Variants in NOL4 observed in about 807,000 individuals in gnomAD.
The protein encoded by NOL4 is cancer/testis antigen 125.
NOL4 carries 17 observed loss-of-function variants against 75.9 expected under a neutral mutation model. The ratio of observed to expected loss-of-function variants is 0.22; its 90% confidence interval spans 0.15 to 0.34. NOL4 has a LOEUF of 0.34. NOL4 is among the 10% of genes least tolerant of loss of function. The pLI, the probability that NOL4 is intolerant of heterozygous loss-of-function variation, is 1.00. For missense variants in NOL4, 614 were observed against 793.5 expected (o/e 0.77, Z 2.72); for synonymous variants, 292 against 289.9 (o/e 1.01, Z -0.07).
At chr18:34,001,100 C>T (rs910876461) in intron 6 of NOL4, among the ~76,000 whole-genome samples, 2 of 152,100 alleles carry the variant, frequency 1.3e-5, no homozygotes, top group Non-Finnish European at 2.9e-5. Context: ...TCTTAATGTA[C>T]ATCAACAGTC....
chr18:34,219,911 C>T (rs2037180733), intron 1 of NOL4, among the ~76,000 whole-genome samples: 1 of 152,224 alleles, frequency 6.6e-6, no homozygotes, highest in Non-Finnish European at 1.5e-5. Context: ...TCTACTCCAT[C>T]AAAAAGCAGT....
intron 5 of NOL4, among the ~76,000 whole-genome samples, chr18:34,075,837 A>G (rs903052529): frequency 7.9e-4 from 120 of 152,286 alleles, no homozygotes; most frequent in African/African-American, 2.7e-3. Flanking sequence ...ATTTTTGTAT[A>G]TGAGTTGTAT....
chr18:34,089,932 G>GAT (rs1396139198), intron 5 of NOL4, among the ~76,000 whole-genome samples: 1 of 151,494 alleles, frequency 6.6e-6, no homozygotes, highest in African/African-American at 2.4e-5. Context: ...TTCTTACTGT[G>GAT]ATACACACAC....
At chr18:34,023,325 C>A in intron 5 of NOL4, 1 of 419,554 alleles carries the variant, frequency 2.4e-6, no homozygotes, top group Non-Finnish European at 4.9e-6. Context: ...CATTTTTATT[C>A]TCTTTCCCTC....
intron 10 of NOL4, among the ~76,000 whole-genome samples, chr18:33,867,633 A>G (rs913932503): frequency 1.5e-5 from 2 of 136,414 alleles, no homozygotes; most frequent in African/African-American, 2.8e-5. Flanking sequence ...TTAAGACTCT[A>G]ATGTGTGTGT....
intron 2 of NOL4, among the ~76,000 whole-genome samples, chr18:34,116,748 A>T (rs951007434): frequency 5.3e-5 from 8 of 152,206 alleles, no homozygotes; most frequent in Non-Finnish European, 4.4e-5. Flanking sequence ...ACTGTGTATC[A>T]TAAGTATGTA....
chr18:33,957,204 C>T, intron 8 of NOL4, 122 bp downstream of exon 8: 1 of 701,122 alleles, frequency 1.4e-6, no homozygotes, highest in Non-Finnish European at 2.3e-6. Flanking sequence ...AAACAAAACC[C>T]CCTTTGACCT....
intron 5 of NOL4, among the ~76,000 whole-genome samples, chr18:34,052,934 A>G (rs2076684006): frequency 1.3e-5 from 2 of 152,040 alleles, no homozygotes; most frequent in Non-Finnish European, 2.9e-5. Flanking sequence ...AAATATATTT[A>G]AAGGCATCAG....
intron 5 of NOL4, among the ~76,000 whole-genome samples, chr18:34,063,788 G>T (rs969494903): frequency 6.6e-6 from 1 of 151,776 alleles, no homozygotes; most frequent in Non-Finnish European, 1.5e-5. Context: ...TTTGTTATAT[G>T]ATAATAATTA....
intron 9 of NOL4, among the ~76,000 whole-genome samples, chr18:33,932,018 T>C (rs2067724963): frequency 6.6e-6 from 1 of 152,076 alleles, no homozygotes; most frequent in South Asian, 2.1e-4. Flanking sequence ...TCACTGTGAG[T>C]TGTCACAACA....
At chr18:33,869,728 C>T (rs756359201) in intron 10 of NOL4, among the ~76,000 whole-genome samples, 9 of 152,012 alleles carry the variant, frequency 5.9e-5, no homozygotes, top group Non-Finnish European at 1.2e-4. Flanking sequence ...TTCTTTTATA[C>T]TATTAGTCAA....
intron 5 of NOL4, among the ~76,000 whole-genome samples, chr18:34,034,740 A>G (rs565384930): frequency 6.8e-6 from 1 of 146,828 alleles, no homozygotes; most frequent in African/African-American, 2.5e-5. Flanking sequence ...ACCCTGCCCC[A>G]CCCCACCCCC....
chr18:33,965,467 T>C (rs1234238098), intron 6 of NOL4, among the ~76,000 whole-genome samples: 1 of 152,178 alleles, frequency 6.6e-6, no homozygotes, highest in East Asian at 1.9e-4. Context: ...AACTCCAGCC[T>C]GGGCAACAGA....
intron 5 of NOL4, among the ~76,000 whole-genome samples, chr18:34,063,548 A>G (rs2077148626): frequency 6.6e-6 from 1 of 152,102 alleles, no homozygotes; most frequent in Non-Finnish European, 1.5e-5. Flanking sequence ...CAGTATTAAA[A>G]TGAAGTACGT....
At chr18:33,969,754 T>C (rs1248274425) in intron 6 of NOL4, among the ~76,000 whole-genome samples, 1 of 94,576 alleles carries the variant, frequency 1.1e-5, no homozygotes, top group African/African-American at 4.0e-5. Flanking sequence ...TTCCAGTGCT[T>C]GTCCAAAAAA....
At chr18:34,058,542 T>A (rs1024022162) in intron 5 of NOL4, among the ~76,000 whole-genome samples, 1 of 152,286 alleles carries the variant, frequency 6.6e-6, no homozygotes, top group East Asian at 1.9e-4. Context: ...TAAACTTTAC[T>A]GGAAAAACCC....
At chr18:34,003,010 G>T (rs1446907818) in intron 6 of NOL4, among the ~76,000 whole-genome samples, 1 of 152,040 alleles carries the variant, frequency 6.6e-6, no homozygotes, top group Non-Finnish European at 1.5e-5. Flanking sequence ...AAAGAGGAGT[G>T]CCAGGAAAAC....
intron 6 of NOL4, among the ~76,000 whole-genome samples, chr18:34,008,065 A>G (rs938254932): frequency 6.6e-6 from 1 of 152,044 alleles, no homozygotes; most frequent in Non-Finnish European, 1.5e-5. Context: ...GTGAGTGGGC[A>G]TCATCCAATC....
intron 10 of NOL4, among the ~76,000 whole-genome samples, chr18:33,857,322 ACTT>A (rs553686755): frequency 1.2e-3 from 184 of 152,130 alleles, no homozygotes; most frequent in Non-Finnish European, 2.2e-3. Flanking sequence ...TGGAGATTTT[ACTT>A]CTTCTTTTAA....
Sources: gnomAD v4.1 joint callset for allele counts (sites outside exome capture counted in the v4.1 genomes callset) on GRCh38, gnomAD v4.1.1 for gene constraint, MANE v1.5 for transcripts, NCBI Gene and HGNC (gene_info 2026-07-23, HGNC 2026-07-21) for gene names.